Variants in DNAI3 observed in about 807,000 individuals in gnomAD.
DNAI3 encodes the protein WD repeat domain 63.
DNAI3 carries 83 observed loss-of-function variants against 115.5 expected under a neutral mutation model. The ratio of observed to expected loss-of-function variants is 0.72; its 90% CI spans 0.60 to 0.86. DNAI3 has a LOEUF of 0.86. Among genes scored for constraint, DNAI3 ranks in the 40% least tolerant of loss-of-function variants. The pLI, the probability that DNAI3 is intolerant of heterozygous loss-of-function variation, is 0.00. For synonymous variants in DNAI3, 320 were observed against 347.0 expected, an observed-to-expected ratio of 0.92 and a Z score of 0.86; for missense variants, 1,004 against 1,075.8, an observed-to-expected ratio of 0.93 and a Z score of 0.93.
At chr1:85,105,539 A>G (rs138833159) in intron 14 of DNAI3, among the ~76,000 whole-genome samples, 1 of 142,676 alleles carries the variant, frequency 7.0e-6, no homozygotes, top group African/African-American at 2.6e-5. Flanking sequence ...AAAAAAAAAA[A>G]AAGAAAAAGA....
chr1:85,093,424 T>A, intron 8 of DNAI3, 34 bp from the exon 9 acceptor site: 1 of 1,570,268 alleles, frequency 6.4e-7, no homozygotes. Context: ...TAAAAACCAA[T>A]ATCTTAATTG....
chr1:85,081,520 T>C (rs1654632219), intron 4 of DNAI3, 105 bp downstream of exon 4: 3 of 1,113,732 alleles, frequency 2.7e-6, no homozygotes, highest in Admixed American at 3.0e-5. Context: ...CCCCATTGCT[T>C]TGGGCAAGTG....
rs1431815743 is a variant in DNAI3 at position 85,081,016 on chromosome 1, G to A, written c.104-218G>A. On this transcript the variant is annotated intron_variant, in intron 3 of 22. Coordinates refer to ENST00000294664, the MANE Select transcript of DNAI3 (RefSeq NM_145172.5). ...TATTAATAGAGGTTTTTCTTCTTGA[G>A]AGGTAGTATTATGGGCCATTGTTAT... 3.3e-5 allele frequency among the ~76,000 whole-genome samples: 5 copies of A among 152,092 alleles called. No individual in the cohort carries two copies. In the East Asian group the frequency reaches 9.6e-4, roughly 29 times the overall value.
rs17121865 is a variant in DNAI3, at chr1:85,132,050, G to C, written c.2533-805G>C. On this transcript the variant is annotated intron_variant, in intron 22 of 22. Transcript: ENST00000294664. The stretch of plus-strand genomic sequence containing the variant: ...GTGGGTATGTGAATGAATTTGAAAG[G>C]GTTCCTCTGTTACATTGAGAACATA... 2.9e-3 allele frequency among the ~76,000 whole-genome samples: 435 copies of C among 152,232 alleles called. 3 individuals carry two copies. The highest frequency in any genetic ancestry group is 1.0e-2 in the African/African-American group (415 of 41,550).
At chr1:85,098,745 C>T in intron 13 of DNAI3, 87 bp downstream of exon 13, 2 of 1,544,826 alleles carry the variant, frequency 1.3e-6, no homozygotes, top group Non-Finnish European at 1.8e-6. Context: ...GTCAACAATT[C>T]ATTTACACTT....
chr1:85,126,483 AT>A lies in DNAI3; in HGVS notation c.2113-25del, dbSNP rs1268051904. On this transcript the variant is annotated intron_variant, in intron 19 of 22. Coordinates refer to ENST00000294664, the MANE Select transcript of DNAI3 (RefSeq NM_145172.5). ...CTCAGATAATAACAAAATCTTCTTT[AT>A]TTGTCTTTTTAAAAATTTGTTTAAA... is the stretch of plus-strand genomic sequence containing the variant. The A allele has an allele frequency of 1.1e-5, 17 of 1,590,496 alleles. No individual in the cohort carries two copies. In the East Asian group the frequency reaches 3.8e-4, roughly 36 times the overall value.
At chr1:85,081,089 T>C (rs979057388) in intron 3 of DNAI3, 145 bp from the exon 4 acceptor site, 1 of 626,946 alleles carries the variant, frequency 1.6e-6, no homozygotes, top group Non-Finnish European at 2.5e-6. Flanking sequence ...ATAATGGATA[T>C]ATTTACTTTA....
At chr1:85,108,802 C>T (rs1007697055) in intron 15 of DNAI3, among the ~76,000 whole-genome samples, 1 of 152,062 alleles carries the variant, frequency 6.6e-6, no homozygotes, top group African/African-American at 2.4e-5. Context: ...ATTTTGATGC[C>T]TCTTTAGATC....
chr1:85,095,962 G>A lies in DNAI3; in HGVS notation c.1205G>A (p.Cys402Tyr). The part of the protein sequence containing the change: ...LMLESPDDIF[C>Y]FKFCPSDPNI... ...CTGGAGAGCCCAGATGACATCTTCTGCTTCAAGTTCTGTCCGAGTGATCCT... is the reference window on the plus strand; with the variant it reads ...CTGGAGAGCCCAGATGACATCTTCTACTTCAAGTTCTGTCCGAGTGATCCT... Residue 402 changes from cysteine to tyrosine, a missense_variant, in exon 11 of 23, where the codon TGC becomes TAC. This residue lies in a region of DNAI3 where 550 missense variants were observed against 568.1 expected (regional missense o/e 0.97). Coordinates refer to ENST00000294664, the MANE Select transcript of DNAI3 (RefSeq NM_145172.5). The A allele has an allele frequency of 6.2e-7, 1 of 1,613,932 alleles. No homozygotes were observed. The highest frequency in any genetic ancestry group is 8.5e-7 in the Non-Finnish European group (1 of 1,179,884).
intron 13 of DNAI3, among the ~76,000 whole-genome samples, chr1:85,102,448 T>C (rs576118466): frequency 6.6e-6 from 1 of 152,046 alleles, no homozygotes; most frequent in African/African-American, 2.4e-5. Context: ...GCAAAAGACA[T>C]ATAAAATAAA....
At chr1:85,115,577 T>C (rs1298955816) in intron 16 of DNAI3, among the ~76,000 whole-genome samples, 1 of 152,240 alleles carries the variant, frequency 6.6e-6, no homozygotes, top group Non-Finnish European at 1.5e-5. Flanking sequence ...CCGTCAACTC[T>C]GAATAAACAT....
At chr1:85,072,757 C>A (rs1355921126) in intron 2 of DNAI3, among the ~76,000 whole-genome samples, 2 of 151,410 alleles carry the variant, frequency 1.3e-5, no homozygotes, top group Non-Finnish European at 2.9e-5. Context: ...AGATGGAGAC[C>A]ATCCTGGTTG....
intron 1 of DNAI3, among the ~76,000 whole-genome samples, chr1:85,067,720 G>C (rs116576921): frequency 7.2e-4 from 109 of 152,294 alleles, no homozygotes; most frequent in Non-Finnish European, 1.3e-3. Context: ...AGACAAAGAA[G>C]AGGTTAGAGT....
intron 2 of DNAI3, among the ~76,000 whole-genome samples, chr1:85,072,819 G>A (rs990716540): frequency 1.1e-4 from 16 of 151,288 alleles, no homozygotes; most frequent in Non-Finnish European, 2.1e-4. Flanking sequence ...GCCGGGTGTG[G>A]TGGCGGGCGC....
In DNAI3 at chr1:85,084,688, C is replaced by G; in HGVS notation, c.533C>G (p.Thr178Arg). 1 of 1,519,670 alleles carries G rather than the reference C, an allele frequency of 6.6e-7. No homozygotes were observed. Among genetic ancestry groups the G allele is most frequent in the Non-Finnish European group, 8.8e-7 (1 of 1,132,514 alleles). The allele number at this position is 1,519,670 out of a possible 1,614,324, so 94.1% of individuals were successfully genotyped here. A position where few individuals can be genotyped will look rare whatever the true frequency, so the allele number is the denominator to read the frequency against. The part of the protein sequence containing the change: ...EIEEESVTES[T>R]KQITYMISRK... ...GAGGAAGAATCAGTTACGGAATCTA[C>G]AAAGCAGGTTAGAGGGTTATATATG... Residue 178 changes from threonine (T) to arginine (R), a missense_variant, in exon 6 of 23, where the codon ACA becomes AGA. Transcript: ENST00000294664.
At chr1:85,131,901 G>A (rs1375773981) in intron 22 of DNAI3, among the ~76,000 whole-genome samples, 1 of 152,110 alleles carries the variant, frequency 6.6e-6, no homozygotes, top group Non-Finnish European at 1.5e-5. Context: ...ATCTTAAATT[G>A]TATTATACTT....
chr1:85,125,020 G>A (rs1656092488), intron 19 of DNAI3, among the ~76,000 whole-genome samples: 1 of 152,196 alleles, frequency 6.6e-6, no homozygotes, highest in African/African-American at 2.4e-5. Context: ...GGGACATACA[G>A]TAGTTAAAGG....
chr1:85,098,141 T>C (rs1010424924), intron 12 of DNAI3, among the ~76,000 whole-genome samples: 2 of 152,192 alleles, frequency 1.3e-5, no homozygotes, highest in Admixed American at 1.3e-4. Context: ...GTTGAGAAGA[T>C]TACTCCATAC....
intron 16 of DNAI3, among the ~76,000 whole-genome samples, chr1:85,110,844 T>G (rs1370541497): frequency 2.0e-5 from 3 of 152,134 alleles, no homozygotes; most frequent in Admixed American, 2.0e-4. Flanking sequence ...CCATTCTCAA[T>G]TAGAATATAA....
Sources: allele counts gnomAD v4.1 joint callset (sites outside exome capture counted in the v4.1 genomes callset), GRCh38; gene constraint gnomAD v4.1.1; regional missense constraint gnomAD v4.1.1; transcripts MANE v1.5; gene names NCBI Gene and HGNC (gene_info 2026-07-23, HGNC 2026-07-21).